Variants in DIPK2B observed in about 807,000 individuals in gnomAD.
The protein encoded by DIPK2B is UPF0672 protein CXorf36.
A neutral mutation model predicts 22.2 loss-of-function variants in DIPK2B; 15 were observed. That is an observed-to-expected ratio of 0.68 (90% CI 0.45 to 1.04). The LOEUF (loss-of-function observed/expected upper bound fraction) is 1.04. Among genes scored for constraint, DIPK2B ranks in the 50% least tolerant of loss-of-function variants. DIPK2B has a pLI of 0.00. For missense variants in DIPK2B, 345 were observed against 348.3 expected, an observed-to-expected ratio of 0.99 and a Z score of 0.08; for synonymous variants, 163 against 153.2, an observed-to-expected ratio of 1.06 and a Z score of -0.47.
At chrX:45,164,335 A>C in intron 2 of DIPK2B, 2 of 990,459 alleles carry the variant, frequency 2.0e-6, no homozygotes, top group Non-Finnish European at 2.8e-6. Flanking sequence ...CTGGCTGTTA[A>C]ATGCAAATGG....
intron 2 of DIPK2B, among the ~76,000 whole-genome samples, chrX:45,180,052 C>CT (rs1188309926): frequency 1.6e-4 from 18 of 111,490 alleles, no homozygotes; most frequent in Non-Finnish European, 1.1e-4. Flanking sequence ...CACAGCTCAT[C>CT]TTTTTCCTTT....
At chrX:45,176,907 C>A (rs1339555461) in intron 2 of DIPK2B, among the ~76,000 whole-genome samples, 4 of 111,594 alleles carry the variant, frequency 3.6e-5, no homozygotes, top group African/African-American at 1.3e-4. Context: ...GCCACCAACC[C>A]TTCTTGCCCA....
rs752189433 is a variant in DIPK2B, at chrX:45,157,865, G to C, written c.522C>G (p.Arg174=). 5 of 1,154,848 alleles carry C rather than the reference G, an allele frequency of 4.3e-6. No homozygotes were observed. The Admixed American group carries it at 1.1e-4, about 24-fold the overall frequency. ...GATCCAGGAGTCGCTGCGAAGGGCA[G>C]CGCAGGAGCGGGCTGGCCAGGCCCT... ...LVQGLASPLL[R]CPSQRLLDRV... The change falls in exon 3 of 5, where the codon CGC becomes CGG. Residue 174 remains arginine, a synonymous_variant. Coordinates refer to ENST00000398000, the MANE Select transcript of DIPK2B (RefSeq NM_176819.4).
rs189190206 is a variant in DIPK2B, at chrX:45,162,692, C to T, written c.499-4804G>A. On this transcript the variant is annotated intron_variant, in intron 2 of 4. Transcript: ENST00000398000. ...CCATCTGCATACATGGGCAACAGGG[C>T]TAACTTACCACCTCCCAGTGAAAAA... The T allele has an allele frequency of 1.9e-5, 14 of 752,970 alleles. No homozygotes were observed. In the East Asian group the frequency reaches 2.0e-3, roughly 106 times the overall value. 62.1% of individuals were successfully genotyped at this position (752,970 alleles called of 1,213,427 possible). A position where few individuals can be genotyped will look rare whatever the true frequency, so the allele number is the denominator to read the frequency against.
intron 2 of DIPK2B, among the ~76,000 whole-genome samples, chrX:45,166,105 CT>C (rs769551043): frequency 9.9e-5 from 11 of 111,486 alleles, no homozygotes; most frequent in Non-Finnish European, 1.9e-4. Flanking sequence ...TTCTGATTCC[CT>C]TTTGGGATTT....
Position 45,151,973 on chromosome X carries a change from C to A in DIPK2B, c.981G>T (p.Arg327Ser). ...DKQEGSQEAN[R>S]AGENKDIFSC... ...TAAAAATGTCTTTATTCTCTCCTGC[C>A]CTGTTGGCTTCTTGGCTGCCTAGAA... The change falls in exon 5 of 5, where the codon AGG becomes AGT. Residue 327 changes from arginine (R) to serine (S), a missense_variant. Transcript: ENST00000398000. The A allele has an allele frequency of 8.5e-7, 1 of 1,175,718 alleles. No homozygotes were observed. The highest frequency in any genetic ancestry group is 1.1e-6 in the Non-Finnish European group (1 of 876,564).
In DIPK2B at chrX:45,154,214, G is replaced by A. The variant is rs760893682; in HGVS notation, c.673-16C>T. 3.4e-6 allele frequency: 4 copies of A among 1,177,235 alleles called. No homozygotes were observed. The South Asian group carries it at 7.6e-5, about 22-fold the overall frequency. Reference sequence around the variant, plus strand: ...CAGGGAAGATCTGCCAAGCCAGAAGGAGGAGGATTAGAGAGAAAAATCTGG... The same window carrying A: ...CAGGGAAGATCTGCCAAGCCAGAAGAAGGAGGATTAGAGAGAAAAATCTGG... On this transcript the variant is annotated splice_polypyrimidine_tract_variant and intron_variant, in intron 3 of 4. Transcript: ENST00000398000.
intron 1 of DIPK2B, among the ~76,000 whole-genome samples, chrX:45,195,122 T>C (rs2047232880): frequency 8.9e-6 from 1 of 112,605 alleles, no homozygotes; most frequent in South Asian, 3.6e-4. Context: ...ATGTATACTC[T>C]TACAGTGTTG....
chrX:45,168,782 C>T (rs936903766), intron 2 of DIPK2B, among the ~76,000 whole-genome samples: 2 of 112,069 alleles, frequency 1.8e-5, no homozygotes, highest in Non-Finnish European at 3.8e-5. Flanking sequence ...ATCTTGTATT[C>T]CCATCGGCCT....
chrX:45,170,532 G>A (rs1452258944), intron 2 of DIPK2B, among the ~76,000 whole-genome samples: 1 of 112,595 alleles, frequency 8.9e-6, no homozygotes, highest in Non-Finnish European at 1.9e-5. Flanking sequence ...CTTTTAGAGT[G>A]TGCTGTTAAG....
chrX:45,165,918 G>A (rs992328185), intron 2 of DIPK2B, among the ~76,000 whole-genome samples: 5 of 111,224 alleles, frequency 4.5e-5, no homozygotes, highest in African/African-American at 6.5e-5. Flanking sequence ...TGTGCTAGAC[G>A]TGCCTTCCAT....
At chrX:45,162,807 C>A in intron 2 of DIPK2B, 1 of 754,110 alleles carries the variant, frequency 1.3e-6, no homozygotes, top group African/African-American at 2.3e-5. Flanking sequence ...TGGTGCTATC[C>A]CTTGGGAAGC....
chrX:45,192,091 G>T, intron 1 of DIPK2B, 76 bp from the exon 2 acceptor site: 1 of 974,199 alleles, frequency 1.0e-6, no homozygotes, highest in Non-Finnish European at 1.4e-6. Context: ...GAAGACAGGG[G>T]ACAATAGCCC....
intron 2 of DIPK2B, among the ~76,000 whole-genome samples, chrX:45,160,244 G>A (rs1353292871): frequency 1.9e-5 from 2 of 105,842 alleles, no homozygotes; most frequent in East Asian, 2.9e-4. Flanking sequence ...TTTCACTCTT[G>A]TCCCCCAGGC....
intron 2 of DIPK2B, among the ~76,000 whole-genome samples, chrX:45,176,419 T>A (rs1415397140): frequency 9.0e-6 from 1 of 111,664 alleles, no homozygotes; most frequent in Non-Finnish European, 1.9e-5. Context: ...AATTAGAGAG[T>A]CATTTATATT....
intron 2 of DIPK2B, among the ~76,000 whole-genome samples, chrX:45,159,705 G>A (rs1203029090): frequency 1.8e-5 from 2 of 111,646 alleles, no homozygotes; most frequent in African/African-American, 3.3e-5. Flanking sequence ...ACTGCAATGA[G>A]CTATTGGAGC....
At position 45,149,597 on chromosome X, in the gene DIPK2B, T is replaced by G. The variant is rs1363389126; in HGVS notation, c.*2055A>C. On this transcript the variant is annotated 3_prime_UTR_variant, in exon 5 of 5. Coordinates refer to ENST00000398000, the MANE Select transcript of DIPK2B (RefSeq NM_176819.4). The stretch of plus-strand genomic sequence containing the variant: ...TGAATGGGAGTGAAGGAACCAGAAT[T>G]GGGTAGCACAGGTGAAAGTCAGAGG... 1 of 112,637 alleles carries G rather than the reference T, an allele frequency of 8.9e-6. No homozygotes were observed. Among genetic ancestry groups the G allele is most frequent in the Non-Finnish European group, 1.9e-5 (1 of 53,259 alleles). 9.3% of individuals were successfully genotyped at this position (112,637 alleles called of 1,213,427 possible).
At chrX:45,163,522 C>T (rs185716064) in intron 2 of DIPK2B, 58 of 752,576 alleles carry the variant, frequency 7.7e-5, no homozygotes, top group South Asian at 2.0e-4. Flanking sequence ...ATTTGACCTG[C>T]GATTGGCTTT....
At position 45,151,918 on chromosome X, in the gene DIPK2B, G is replaced by T; in HGVS notation, c.1036C>A (p.Leu346Met). 8.3e-7 allele frequency: 1 copy of T among 1,205,697 alleles called. No individual in the cohort carries two copies. Residue 346 changes from leucine to methionine, a missense_variant, in exon 5 of 5, where the codon CTG becomes ATG. Leu to Met is a conservative substitution (Grantham distance 15, BLOSUM62 2). Coordinates refer to ENST00000398000, the MANE Select transcript of DIPK2B (RefSeq NM_176819.4). ...TCAGAGATGCTTTCGCAGGAGGGCA[G>T]CTGGGCCTGGCAGCCGGAAACCAGG... is the stretch of plus-strand genomic sequence containing the variant. The part of the protein sequence containing the change: ...SCLVSGCQAQ[L>M]PSCESISEKQ...
Sources: gnomAD v4.1 joint callset for allele counts (sites outside exome capture counted in the v4.1 genomes callset) on GRCh38, gnomAD v4.1.1 for gene constraint, MANE v1.5 for transcripts, NCBI Gene and HGNC (gene_info 2026-07-23, HGNC 2026-07-21) for gene names.